Variants in CSMD1 observed in about 807,000 individuals in gnomAD.
The protein encoded by CSMD1 is CUB and Sushi multiple domains 1, also known as CUB and sushi domain-containing protein 1.
A neutral mutation model predicts 417.5 loss-of-function variants in CSMD1; 213 were observed. The ratio of observed to expected loss-of-function variants is 0.51; its 90% CI spans 0.46 to 0.57. The LOEUF (loss-of-function observed/expected upper bound fraction) is 0.57. Among genes scored for constraint, CSMD1 ranks in the 20% least tolerant of loss-of-function variants. The pLI is 0.00. For synonymous variants in CSMD1, 2,862 were observed against 1,736.8 expected (o/e 1.65, Z -16.11); for missense variants, 6,923 against 4,529.7 (o/e 1.53, Z -15.17).
intron 3 of CSMD1, among the ~76,000 whole-genome samples, chr8:4,324,949 T>G (rs1799473023): frequency 6.6e-6 from 1 of 152,072 alleles, no homozygotes; most frequent in Non-Finnish European, 1.5e-5. Flanking sequence ...GAGGCAATTG[T>G]ATTTGGAAAG....
chr8:3,852,123 A>G (rs1044814110), intron 5 of CSMD1, among the ~76,000 whole-genome samples: 12 of 152,130 alleles, frequency 7.9e-5, no homozygotes, highest in African/African-American at 2.7e-4. Context: ...TTGTTGCAAA[A>G]ACCATCGATA....
In CSMD1 at chr8:3,479,187, G is replaced by C. The variant is rs527805026; in HGVS notation, c.1449-10363C>G. Among the ~76,000 whole-genome samples the C allele has an allele frequency of 6.0e-4, 91 of 152,228 alleles. 1 individual carries two copies. Among genetic ancestry groups the C allele is most frequent in the Middle Eastern group, 6.8e-3 (2 of 294 alleles). On this transcript the variant is annotated intron_variant, in intron 11 of 69. Coordinates refer to ENST00000635120, the MANE Select transcript of CSMD1 (RefSeq NM_033225.6). ...AACCTCCTCCCCAGCCCACAAAATAGGCTGAGACCCACATGCCAAGCCTAA... is the reference window on the plus strand; with the variant it reads ...AACCTCCTCCCCAGCCCACAAAATACGCTGAGACCCACATGCCAAGCCTAA...
At chr8:4,967,593 A>T (rs911105224) in intron 1 of CSMD1, among the ~76,000 whole-genome samples, 1 of 152,176 alleles carries the variant, frequency 6.6e-6, no homozygotes, top group Non-Finnish European at 1.5e-5. Flanking sequence ...TAATTTTAAC[A>T]GAGTTGTAAC....
intron 12 of CSMD1, among the ~76,000 whole-genome samples, chr8:3,422,064 C>T (rs1040296155): frequency 3.4e-5 from 5 of 148,414 alleles, no homozygotes; most frequent in Admixed American, 2.0e-4. Flanking sequence ...GATGTCCTAG[C>T]GTGGATTCTA....
intron 1 of CSMD1, among the ~76,000 whole-genome samples, chr8:4,893,766 T>C (rs193206868): frequency 6.6e-6 from 1 of 152,286 alleles, no homozygotes; most frequent in East Asian, 1.9e-4. Context: ...TATGTGCTGC[T>C]TTCAGAGCCA....
At chr8:3,838,127 C>A (rs1212909445) in intron 5 of CSMD1, among the ~76,000 whole-genome samples, 1 of 152,042 alleles carries the variant, frequency 6.6e-6, no homozygotes, top group African/African-American at 2.4e-5. Flanking sequence ...TAGAAAACAG[C>A]CGCAAATATC....
intron 5 of CSMD1, among the ~76,000 whole-genome samples, chr8:3,884,437 C>G (rs1806416591): frequency 1.3e-5 from 2 of 152,154 alleles, no homozygotes; most frequent in African/African-American, 2.4e-5. Flanking sequence ...CAGAAAGACA[C>G]CAGAGAACAA....
intron 23 of CSMD1, among the ~76,000 whole-genome samples, chr8:3,312,616 A>G (rs1805436167): frequency 6.6e-6 from 1 of 152,152 alleles, no homozygotes; most frequent in Non-Finnish European, 1.5e-5. Flanking sequence ...AATGGGAAGT[A>G]GCATTGGAAT....
intron 3 of CSMD1, among the ~76,000 whole-genome samples, chr8:4,095,901 A>G (rs1406315525): frequency 1.2e-4 from 19 of 152,216 alleles, no homozygotes; most frequent in Admixed American, 1.2e-3. Flanking sequence ...AACTTTATAC[A>G]CACATTTTTG....
chr8:4,935,928 C>T (rs964160315), intron 1 of CSMD1, among the ~76,000 whole-genome samples: 1 of 152,222 alleles, frequency 6.6e-6, no homozygotes, highest in Non-Finnish European at 1.5e-5. Flanking sequence ...GGATGCCACG[C>T]TGCCGCTCAG....
intron 25 of CSMD1, among the ~76,000 whole-genome samples, chr8:3,305,981 C>T (rs557717590): frequency 4.6e-5 from 7 of 152,128 alleles, no homozygotes; most frequent in African/African-American, 1.4e-4. Flanking sequence ...CACCCGGCCC[C>T]ACAGTCTGTA....
chr8:3,617,071 C>A (rs181758118), intron 7 of CSMD1, among the ~76,000 whole-genome samples: 1 of 151,980 alleles, frequency 6.6e-6, no homozygotes, highest in Admixed American at 6.6e-5. Flanking sequence ...TCATTTGGTC[C>A]TTATGATTAC....
At chr8:4,843,553 G>T (rs1467909282) in intron 1 of CSMD1, among the ~76,000 whole-genome samples, 1 of 152,024 alleles carries the variant, frequency 6.6e-6, no homozygotes, top group East Asian at 1.9e-4. Flanking sequence ...CATCATAAAG[G>T]CCCAATCTAA....
At chr8:3,598,185 G>A (rs1051665841) in intron 8 of CSMD1, 2 of 152,144 alleles carry the variant, frequency 1.3e-5, no homozygotes, top group African/African-American at 4.8e-5. Flanking sequence ...GGATCCTGTG[G>A]ATATCAGAAA....
chr8:4,910,305 C>A (rs1270901368), intron 1 of CSMD1, among the ~76,000 whole-genome samples: 1 of 152,198 alleles, frequency 6.6e-6, no homozygotes, highest in Non-Finnish European at 1.5e-5. Context: ...ATTTATACAA[C>A]TTTATAAGCT....
At chr8:3,027,593 G>A (rs1410538858) in intron 51 of CSMD1, among the ~76,000 whole-genome samples, 2 of 152,198 alleles carry the variant, frequency 1.3e-5, no homozygotes, top group African/African-American at 2.4e-5. Flanking sequence ...GGGACAAATA[G>A]CAAAGTGTGA....
chr8:3,693,095 C>T (rs988110766), intron 7 of CSMD1, among the ~76,000 whole-genome samples: 1 of 152,028 alleles, frequency 6.6e-6, no homozygotes, highest in Non-Finnish European at 1.5e-5. Flanking sequence ...ATGTTGAATA[C>T]AAATCAATAC....
intron 3 of CSMD1, among the ~76,000 whole-genome samples, chr8:4,072,956 T>G (rs114241582): frequency 6.6e-6 from 1 of 152,192 alleles, no homozygotes. Context: ...GTTTTTAAAA[T>G]TTTGCTCGTG....
At chr8:4,649,981 G>A (rs1316746375) in intron 1 of CSMD1, among the ~76,000 whole-genome samples, 1 of 152,186 alleles carries the variant, frequency 6.6e-6, no homozygotes, top group Admixed American at 6.5e-5. Flanking sequence ...CAGCTGCCTT[G>A]AACATAAGAC....
Sources: allele counts gnomAD v4.1 joint callset (sites outside exome capture counted in the v4.1 genomes callset), GRCh38; gene constraint gnomAD v4.1.1; transcripts MANE v1.5; gene names NCBI Gene and HGNC (gene_info 2026-07-23, HGNC 2026-07-21).